The following PCSK6 variants were observed in gnomAD, a reference collection of about 807,000 sequenced individuals.
PCSK6 encodes the protein proprotein convertase subtilisin/kexin type 6.
PCSK6 carries 85 observed loss-of-function variants against 123.3 expected under a neutral mutation model. The observed-to-expected ratio is 0.69, with a 90% CI of 0.58 to 0.83. The LOEUF is 0.83. Among genes scored for constraint, PCSK6 ranks in the 40% least tolerant of loss-of-function variants. PCSK6 has a pLI of 0.00. For missense variants in PCSK6, 1,191 were observed against 1,282.3 expected, an observed-to-expected ratio of 0.93 and a Z score of 1.09; for synonymous variants, 508 against 516.0, an observed-to-expected ratio of 0.98 and a Z score of 0.21.
At chr15:101,306,686 C>T (rs1051797695) in intron 21 of PCSK6, among the ~76,000 whole-genome samples, 2 of 152,240 alleles carry the variant, frequency 1.3e-5, no homozygotes, top group African/African-American at 4.8e-5. Context: ...GTTTTTACAA[C>T]TTGTCCTTGT....
intron 1 of PCSK6, among the ~76,000 whole-genome samples, chr15:101,445,152 T>C (rs1275615590): frequency 6.6e-6 from 1 of 152,208 alleles, no homozygotes; most frequent in Non-Finnish European, 1.5e-5. Flanking sequence ...TAGCTGAGTG[T>C]CTAGAACCTA....
chr15:101,381,362 CTCAA>C (rs201058324), intron 11 of PCSK6, among the ~76,000 whole-genome samples: 84 of 151,958 alleles, frequency 5.5e-4, no homozygotes, highest in African/African-American at 1.8e-3. Context: ...AAAACTCGGT[CTCAA>C]TCAATCAATC....
chr15:101,366,885 G>A (rs2041412509), intron 12 of PCSK6, among the ~76,000 whole-genome samples: 1 of 152,184 alleles, frequency 6.6e-6, no homozygotes, highest in South Asian at 2.1e-4. Context: ...CTGTTCTCTG[G>A]GAGACACAAA....
At chr15:101,403,334 A>G (rs546033457) in intron 6 of PCSK6, among the ~76,000 whole-genome samples, 131 of 150,318 alleles carry the variant, frequency 8.7e-4, no homozygotes, top group African/African-American at 2.4e-3. Flanking sequence ...TGACCAGTTA[A>G]TGGGTGCAGC....
chr15:101,463,911 C>A (rs2057395667), intron 1 of PCSK6, among the ~76,000 whole-genome samples: 1 of 152,030 alleles, frequency 6.6e-6, no homozygotes. Flanking sequence ...TAGTAATACA[C>A]AAGGAGAACC....
intron 19 of PCSK6, among the ~76,000 whole-genome samples, chr15:101,317,225 T>C (rs561582867): frequency 6.6e-6 from 1 of 152,300 alleles, no homozygotes; most frequent in African/African-American, 2.4e-5. Flanking sequence ...AGAGACTTAA[T>C]TCTTAAAGTA....
At chr15:101,367,170 G>A (rs2041423323) in intron 12 of PCSK6, among the ~76,000 whole-genome samples, 1 of 152,092 alleles carries the variant, frequency 6.6e-6, no homozygotes, top group Admixed American at 6.6e-5. Context: ...TGGGCCTTCT[G>A]CCTCACACTT....
chr15:101,428,133 C>T (rs1361990676), intron 5 of PCSK6, among the ~76,000 whole-genome samples, 153 bp from the exon 6 acceptor site: 1 of 152,226 alleles, frequency 6.6e-6, no homozygotes, highest in African/African-American at 2.4e-5. Flanking sequence ...CATCACCAAC[C>T]CCACTCTGGG....
chr15:101,396,143 C>G (rs1435966117), intron 7 of PCSK6, among the ~76,000 whole-genome samples: 1 of 152,148 alleles, frequency 6.6e-6, no homozygotes, highest in East Asian at 1.9e-4. Context: ...TATTTTACTT[C>G]CAAATGACGA....
At chr15:101,340,174 T>A (rs930740111) in intron 13 of PCSK6, among the ~76,000 whole-genome samples, 14 of 152,234 alleles carry the variant, frequency 9.2e-5, no homozygotes, top group African/African-American at 2.6e-4. Flanking sequence ...CACATGGACA[T>A]GTGTGCACAA....
intron 1 of PCSK6, among the ~76,000 whole-genome samples, chr15:101,448,496 A>T (rs1041669963): frequency 6.6e-6 from 1 of 152,230 alleles, no homozygotes; most frequent in African/African-American, 2.4e-5. Context: ...CCAGCCAGGG[A>T]TCCTCACTAT....
chr15:101,331,655 C>T lies in PCSK6; in HGVS notation c.2073G>A (p.Gln691=). 1 of 1,613,536 alleles carries T rather than the reference C, an allele frequency of 6.2e-7. No homozygotes were observed. The highest frequency in any genetic ancestry group is 8.5e-7 in the Non-Finnish European group (1 of 1,179,634). The change falls in exon 15 of 22, where the codon CAG becomes CAA. Residue 691 remains glutamine (Q), a synonymous_variant. Coordinates refer to ENST00000611716, the MANE Select transcript of PCSK6 (RefSeq NM_002570.5). The part of the protein sequence containing the change: ...QSTPGSANIL[Q]TSVCHPECGD... Reference sequence around the variant, plus strand: ...ACTGGTTTGAAGCATACTTACTGGTCTGTAAAATATTAGCAGAGCCTGGGG... The same window carrying T: ...ACTGGTTTGAAGCATACTTACTGGTTTGTAAAATATTAGCAGAGCCTGGGG...
rs1441288150 is a variant in PCSK6, at chr15:101,365,108, GT to G, written c.1858+1087del. The stretch of plus-strand genomic sequence containing the variant: ...GGAACAAATGGGTACAAAAGAATGA[GT>G]TTGGACCCCTACCTCACACCATATA... On this transcript the variant is annotated intron_variant, in intron 13 of 21. Coordinates refer to ENST00000611716, the MANE Select transcript of PCSK6 (RefSeq NM_002570.5). 3.5e-5 allele frequency: 24 copies of G among 687,870 alleles called. No homozygotes were observed. The East Asian group carries it at 6.0e-4, about 17-fold the overall frequency. The allele number at this position is 687,870 out of a possible 1,614,324, so 42.6% of individuals were successfully genotyped here.
At chr15:101,330,380 C>T (rs1027232425) in intron 15 of PCSK6, among the ~76,000 whole-genome samples, 11 of 152,228 alleles carry the variant, frequency 7.2e-5, no homozygotes, top group African/African-American at 2.4e-4. Flanking sequence ...GGCCTGGGCC[C>T]GTCACTCCTG....
chr15:101,419,057 C>T (rs948603692), intron 6 of PCSK6, among the ~76,000 whole-genome samples: 11 of 151,700 alleles, frequency 7.3e-5, no homozygotes, highest in Admixed American at 1.3e-4. Flanking sequence ...CAAACAGAAC[C>T]TATAAACCAC....
At chr15:101,488,095 G>T (rs1433177737) in intron 1 of PCSK6, among the ~76,000 whole-genome samples, 1 of 152,120 alleles carries the variant, frequency 6.6e-6, no homozygotes, top group African/African-American at 2.4e-5. Context: ...CATCAACGTG[G>T]GGCTTGGGAT....
chr15:101,411,263 G>C (rs537484240), intron 6 of PCSK6, among the ~76,000 whole-genome samples: 3 of 152,142 alleles, frequency 2.0e-5, no homozygotes, highest in Non-Finnish European at 4.4e-5. Flanking sequence ...CCCCAAACAG[G>C]CCTCGGAGTA....
chr15:101,312,258 G>A (rs1258370046), intron 20 of PCSK6: 2 of 151,532 alleles, frequency 1.3e-5, no homozygotes, highest in Admixed American at 6.6e-5. Flanking sequence ...GCCCTGCCCT[G>A]TTCTGGGTCC....
intron 6 of PCSK6, among the ~76,000 whole-genome samples, chr15:101,403,742 T>C (rs2042680958): frequency 1.3e-5 from 2 of 152,188 alleles, no homozygotes; most frequent in African/African-American, 2.4e-5. Flanking sequence ...TATTTTGAGA[T>C]GGCGTCTCGC....
Sources: allele counts gnomAD v4.1 joint callset (sites outside exome capture counted in the v4.1 genomes callset), GRCh38; gene constraint gnomAD v4.1.1; transcripts MANE v1.5; gene names NCBI Gene and HGNC (gene_info 2026-07-23, HGNC 2026-07-21).